FRMPD4: variants seen among roughly 807,000 people sequenced by gnomAD.
FRMPD4 encodes the protein FERM and PDZ domain containing 4.
Under a neutral mutation model 94.1 loss-of-function variants are expected in FRMPD4, and 22 were observed. That is an observed-to-expected ratio of 0.23 (90% confidence interval 0.17 to 0.33). The LOEUF is 0.33. FRMPD4 is among the 10% of genes least tolerant of loss of function. FRMPD4 has a pLI of 1.00. For synonymous variants in FRMPD4, 631 were observed against 548.6 expected (o/e 1.15, Z -2.10); for missense variants, 1,111 against 1,339.9 (o/e 0.83, Z 2.67).
At position 12,163,531 on chromosome X, in the gene FRMPD4, G is replaced by T. The variant is rs186623148; in HGVS notation, c.41+24519G>T. 4.8e-5 allele frequency among the ~76,000 whole-genome samples: 5 copies of T among 103,841 alleles called. No individual in the cohort carries two copies. The East Asian group carries it at 1.5e-3, about 31-fold the overall frequency. The allele number at this position is 103,841 out of a possible 115,157, so 90.2% of individuals were successfully genotyped here. ...CCTTGAGGTTTTGAAGTTTGGTTTT[G>T]ATAGCAGTCTTCATTCTAAGTTCCC... On this transcript the variant is annotated intron_variant, in intron 1 of 16. Coordinates refer to ENST00000675598, the MANE Select transcript of FRMPD4 (RefSeq NM_001368397.1).
chrX:12,414,727 G>A (rs1025139963), intron 1 of FRMPD4, among the ~76,000 whole-genome samples: 1 of 111,640 alleles, frequency 9.0e-6, no homozygotes, highest in Admixed American at 9.5e-5. Context: ...AGAAGAGAGA[G>A]GACCTGACAT....
intron 2 of FRMPD4, among the ~76,000 whole-genome samples, chrX:11,868,189 C>A (rs1189618823): frequency 2.7e-5 from 3 of 112,044 alleles, no homozygotes; most frequent in Admixed American, 9.5e-5. Context: ...TTCTCCTGTT[C>A]TTCTGTTTCA....
chrX:12,270,331 T>A (rs757245741), intron 1 of FRMPD4, among the ~76,000 whole-genome samples: 1 of 112,100 alleles, frequency 8.9e-6, no homozygotes, highest in East Asian at 2.8e-4. Flanking sequence ...TTGAGCCATG[T>A]GTCAGATCAT....
chrX:12,598,040 G>T (rs2059048786), intron 2 of FRMPD4, among the ~76,000 whole-genome samples: 1 of 107,217 alleles, frequency 9.3e-6, no homozygotes, highest in African/African-American at 3.6e-5. Flanking sequence ...TTAATTTTTT[G>T]AGAATGTTGG....
rs369996075 is a variant in FRMPD4, at chrX:12,614,767, A to C, written c.320-12A>C. 2 of 980,408 alleles carry C rather than the reference A, an allele frequency of 2.0e-6. No homozygotes were observed. The highest frequency in any genetic ancestry group is 3.8e-5 in the African/African-American group (2 of 53,210). 80.8% of individuals were successfully genotyped at this position (980,408 alleles called of 1,213,427 possible). ...GGTCTTCTCACCTGTGCTTCATTCT[A>C]TTTGTCTCCAGGTGGCCCCTCTGAA... On this transcript the variant is annotated splice_polypyrimidine_tract_variant and intron_variant, in intron 3 of 16. Transcript: ENST00000675598.
At chrX:12,184,803 T>G in intron 1 of FRMPD4, among the ~76,000 whole-genome samples, 1 of 109,921 alleles carries the variant, frequency 9.1e-6, no homozygotes. Flanking sequence ...AGATAGAGAG[T>G]AGAAGGATGG....
At chrX:12,408,955 C>T (rs2056699350) in intron 1 of FRMPD4, among the ~76,000 whole-genome samples, 1 of 110,944 alleles carries the variant, frequency 9.0e-6, no homozygotes, top group Non-Finnish European at 1.9e-5. Context: ...GAGTGGAACA[C>T]CCTGACTGGC....
chrX:12,179,975 G>A (rs769580665), intron 1 of FRMPD4, among the ~76,000 whole-genome samples: 10 of 109,456 alleles, frequency 9.1e-5, no homozygotes, highest in South Asian at 4.0e-4. Context: ...TGGATAATAC[G>A]GACTTCAGCC....
intron 1 of FRMPD4, among the ~76,000 whole-genome samples, chrX:12,415,755 C>G (rs1346197041): frequency 3.6e-5 from 4 of 112,202 alleles, no homozygotes; most frequent in Non-Finnish European, 5.6e-5. Flanking sequence ...TAGCAAAATG[C>G]TGCCTCCATT....
intron 2 of FRMPD4, among the ~76,000 whole-genome samples, chrX:12,591,652 G>T (rs1206818953): frequency 1.8e-5 from 2 of 112,150 alleles, no homozygotes; most frequent in Non-Finnish European, 3.8e-5. Context: ...CAGATGAGCT[G>T]CAAAGTCTAT....
At position 12,593,601 on chromosome X, in the gene FRMPD4, GTTTTC is replaced by G. The variant is rs1287995594; in HGVS notation, c.159-16113_159-16109del. Among the ~76,000 whole-genome samples the G allele has an allele frequency of 3.6e-5, 4 of 111,723 alleles. No homozygotes were observed. The East Asian group carries it at 1.1e-3, about 31-fold the overall frequency. Reference sequence around the variant, plus strand: ...TCTTCTGAATTGATCATCTATAAATGTTTTCTTTTCTCTCGTGTTTTGATACTTTG... The same window carrying G: ...TCTTCTGAATTGATCATCTATAAATGTTTTCTCTCGTGTTTTGATACTTTG... On this transcript the variant is annotated intron_variant, in intron 2 of 16. Coordinates refer to ENST00000675598, the MANE Select transcript of FRMPD4 (RefSeq NM_001368397.1).
chrX:12,455,786 T>C (rs1422103215), intron 1 of FRMPD4, among the ~76,000 whole-genome samples: 1 of 112,140 alleles, frequency 8.9e-6, no homozygotes, highest in Non-Finnish European at 1.9e-5. Context: ...TCATTATTGT[T>C]CTACCACAAA....
chrX:12,374,777 C>T (rs1467939026), intron 1 of FRMPD4, among the ~76,000 whole-genome samples: 1 of 111,341 alleles, frequency 9.0e-6, no homozygotes, highest in Non-Finnish European at 1.9e-5. Flanking sequence ...AGTATGCATC[C>T]AGCTGGCAGT....
chrX:12,166,280 A>G (rs1293103973), intron 1 of FRMPD4, among the ~76,000 whole-genome samples: 1 of 111,985 alleles, frequency 8.9e-6, no homozygotes, highest in Admixed American at 9.4e-5. Flanking sequence ...AATTTTGTCA[A>G]AGGCCTTTTC....
rs761210170 is a variant in FRMPD4, at chrX:12,263,393, G to A, written c.41+124381G>A. 3.6e-5 allele frequency among the ~76,000 whole-genome samples: 4 copies of A among 111,703 alleles called. No individual in the cohort carries two copies. In the East Asian group the frequency reaches 1.1e-3, roughly 32 times the overall value. On this transcript the variant is annotated intron_variant, in intron 1 of 16. Transcript: ENST00000675598. ...TGGACTGGAGTGAGTGTTAGAGGAAGTGACAAATGATGAAGTCATCAGTGA... is the reference window on the plus strand; with the variant it reads ...TGGACTGGAGTGAGTGTTAGAGGAAATGACAAATGATGAAGTCATCAGTGA...
At chrX:12,057,690 T>C (rs2054862224) in intron 3 of FRMPD4, among the ~76,000 whole-genome samples, 1 of 111,393 alleles carries the variant, frequency 9.0e-6, no homozygotes, top group African/African-American at 3.3e-5. Flanking sequence ...CTCATCAGGT[T>C]GCCACCAAGA....
intron 3 of FRMPD4, among the ~76,000 whole-genome samples, chrX:11,957,000 T>G (rs760868839): frequency 8.9e-6 from 1 of 112,296 alleles, no homozygotes; most frequent in East Asian, 2.8e-4. Context: ...AGAATACTTA[T>G]TTTATCTGTG....
chrX:12,442,704 T>TA (rs1038496418), intron 1 of FRMPD4, among the ~76,000 whole-genome samples: 4 of 111,676 alleles, frequency 3.6e-5, no homozygotes, highest in Non-Finnish European at 5.6e-5. Context: ...AGAGAGTTAT[T>TA]ATATAACCTG....
chrX:12,087,951 C>A lies in FRMPD4; in HGVS notation c.95+209933C>A, dbSNP rs758324132. Reference sequence around the variant, plus strand: ...GAATTCTTGGTGCCTTTGCTGCAGGCGTATACATTTTTTGTGCTGCAAGGA... The same window carrying A: ...GAATTCTTGGTGCCTTTGCTGCAGGAGTATACATTTTTTGTGCTGCAAGGA... On this transcript the variant is annotated intron_variant, in intron 3 of 18. Transcript: ENST00000640291. Among the ~76,000 whole-genome samples the A allele has an allele frequency of 2.7e-5, 3 of 112,115 alleles. No homozygotes were observed. In the South Asian group the frequency reaches 1.1e-3, roughly 42 times the overall value.
Sources: gnomAD v4.1 joint callset for allele counts (sites outside exome capture counted in the v4.1 genomes callset) on GRCh38, gnomAD v4.1.1 for gene constraint, MANE v1.5 for transcripts, NCBI Gene and HGNC (gene_info 2026-07-23, HGNC 2026-07-21) for gene names.